Variants in MED13L observed in about 807,000 individuals in gnomAD.
MED13L encodes the protein mediator complex subunit 13L.
A neutral mutation model predicts 220.9 loss-of-function variants in MED13L; 7 were observed. That is an observed-to-expected ratio of 0.03 (90% confidence interval 0.02 to 0.06). MED13L has a LOEUF of 0.06. Among genes scored for constraint, MED13L ranks in the 10% least tolerant of loss-of-function variants. The pLI, the probability that MED13L is intolerant of heterozygous loss-of-function variation, is 1.00. For missense variants in MED13L, 1,965 were observed against 2,760.5 expected, an observed-to-expected ratio of 0.71 and a Z score of 6.46; for synonymous variants, 1,011 against 1,015.2, an observed-to-expected ratio of 1.00 and a Z score of 0.08.
chr12:116,171,136 G>T (rs566487405), intron 2 of MED13L, among the ~76,000 whole-genome samples: 2 of 152,146 alleles, frequency 1.3e-5, no homozygotes, highest in Admixed American at 6.5e-5. Context: ...GGGATCTCCC[G>T]AAACGGTCGA....
chr12:116,136,494 C>T (rs1593086209), intron 2 of MED13L, among the ~76,000 whole-genome samples: 1 of 152,064 alleles, frequency 6.6e-6, no homozygotes, highest in Non-Finnish European at 1.5e-5. Context: ...GATGCATTCA[C>T]GCCAAATGAA....
At chr12:116,128,831 G>A (rs975386096) in intron 2 of MED13L, among the ~76,000 whole-genome samples, 21 of 152,166 alleles carry the variant, frequency 1.4e-4, no homozygotes, top group African/African-American at 4.8e-4. Flanking sequence ...GGGCATATGT[G>A]TTCCATGTTC....
At chr12:116,050,120 A>G (rs978456200) in intron 4 of MED13L, among the ~76,000 whole-genome samples, 2 of 152,212 alleles carry the variant, frequency 1.3e-5, no homozygotes, top group African/African-American at 4.8e-5. Context: ...GCCCAAAACC[A>G]TAATTTATAA....
chr12:116,249,719 G>A (rs1314399327), intron 1 of MED13L, among the ~76,000 whole-genome samples: 1 of 31,664 alleles, frequency 3.2e-5, no homozygotes, highest in Non-Finnish European at 5.6e-5. Flanking sequence ...TTTAACAGCA[G>A]ATTAAGTACC....
chr12:116,171,099 T>C (rs1879650001), intron 2 of MED13L, among the ~76,000 whole-genome samples: 2 of 152,262 alleles, frequency 1.3e-5, no homozygotes, highest in African/African-American at 4.8e-5. Context: ...GTCTTCATAT[T>C]TTATAAAAAT....
intron 4 of MED13L, among the ~76,000 whole-genome samples, chr12:116,031,725 GAAAAGAAAAGAAAAGAAAAGAAAA>G (rs1880801387): frequency 3.1e-4 from 21 of 66,974 alleles, no homozygotes; most frequent in African/African-American, 1.4e-3. Flanking sequence ...GAAAAGAAAA[GAAAAGAAAAGAAAAGAAAAGAAAA>G]GAAAAGAAAA....
intron 4 of MED13L, among the ~76,000 whole-genome samples, chr12:116,038,744 CAAAAAAAAAAA>C (rs63703461): frequency 0.12 from 9,218 of 75,510 alleles, 530 homozygotes; most frequent in Middle Eastern, 0.26. Context: ...GTCAAAAGGC[CAAAAAAAAAAA>C]AAAAAAAAAA....
chr12:116,039,720 AG>A (rs2137536642), intron 4 of MED13L, among the ~76,000 whole-genome samples: 1 of 152,244 alleles, frequency 6.6e-6, no homozygotes, highest in Non-Finnish European at 1.5e-5. Flanking sequence ...CCCAAGTGAG[AG>A]AAAAGCTTGG....
intron 2 of MED13L, among the ~76,000 whole-genome samples, chr12:116,169,936 G>A (rs544964358): frequency 9.8e-5 from 15 of 152,304 alleles, no homozygotes; most frequent in Non-Finnish European, 1.8e-4. Flanking sequence ...AGGATTGCTT[G>A]AGCCCAGTAG....
At chr12:115,978,319 T>A (rs1459710435) in intron 23 of MED13L, among the ~76,000 whole-genome samples, 1 of 150,544 alleles carries the variant, frequency 6.6e-6, no homozygotes, top group African/African-American at 2.5e-5. Flanking sequence ...ACTGTACAAT[T>A]TTTTTTCTTT....
chr12:116,056,664 T>C (rs935727300), intron 4 of MED13L, among the ~76,000 whole-genome samples: 7 of 152,226 alleles, frequency 4.6e-5, no homozygotes, highest in Non-Finnish European at 8.8e-5. Flanking sequence ...TCACTTGTTT[T>C]CTCTTAATTC....
intron 4 of MED13L, among the ~76,000 whole-genome samples, chr12:116,073,572 G>A (rs1476186207): frequency 1.3e-5 from 2 of 152,180 alleles, no homozygotes; most frequent in East Asian, 3.8e-4. Context: ...AAAAAATACT[G>A]TCAGAGTTCT....
chr12:116,092,221 T>G (rs987529048), intron 4 of MED13L, among the ~76,000 whole-genome samples: 11 of 152,222 alleles, frequency 7.2e-5, no homozygotes, highest in Non-Finnish European at 1.5e-4. Context: ...CTGATCTCAT[T>G]TTTCTGGACA....
At chr12:115,962,252 G>A (rs1053030306) in intron 30 of MED13L, among the ~76,000 whole-genome samples, 2 of 152,236 alleles carry the variant, frequency 1.3e-5, no homozygotes, top group South Asian at 2.1e-4. Flanking sequence ...ATTTTTCCAC[G>A]TGGTGGGGGA....
At chr12:116,108,390 A>AGC (rs1873776771) in intron 3 of MED13L, among the ~76,000 whole-genome samples, 1 of 41,248 alleles carries the variant, frequency 2.4e-5, no homozygotes, top group Non-Finnish European at 4.4e-5. Context: ...TTTAAAAGAA[A>AGC]GGGGGGGGGG....
rs548043107 is a variant in MED13L, at chr12:116,170,212, A to G, written c.311-58700T>C. Among the ~76,000 whole-genome samples, 9 of 152,334 alleles carry G rather than the reference A, an allele frequency of 5.9e-5. No homozygotes were observed. In the South Asian group the frequency reaches 1.9e-3, roughly 32 times the overall value. ...AAAATAACAATTATTAATGCCACCA[A>G]TAATCTCAGCAGAAAGATCTTTAAG... On this transcript the variant is annotated intron_variant, in intron 2 of 30. Transcript: ENST00000281928.
chr12:116,168,300 A>G (rs1879431682), intron 2 of MED13L, among the ~76,000 whole-genome samples: 1 of 151,760 alleles, frequency 6.6e-6, no homozygotes, highest in Admixed American at 6.6e-5. Context: ...CTCCACGAAT[A>G]GTGTCTTGTG....
chr12:116,191,155 TA>T (rs1184044748), intron 2 of MED13L, among the ~76,000 whole-genome samples: 1 of 149,764 alleles, frequency 6.7e-6, no homozygotes, highest in African/African-American at 2.4e-5. Flanking sequence ...CAAGGAACAG[TA>T]ATTTCCAAAT....
At chr12:116,240,727 G>A (rs569590602) in intron 1 of MED13L, among the ~76,000 whole-genome samples, 4 of 149,546 alleles carry the variant, frequency 2.7e-5, no homozygotes, top group East Asian at 4.1e-4. Flanking sequence ...TAGTAGAGAC[G>A]GGGGGGTTTC....
Sources: gnomAD v4.1 joint callset for allele counts (sites outside exome capture counted in the v4.1 genomes callset) on GRCh38, gnomAD v4.1.1 for gene constraint, MANE v1.5 for transcripts, NCBI Gene and HGNC (gene_info 2026-07-23, HGNC 2026-07-21) for gene names.